Variants in RGS21 observed in about 807,000 individuals in gnomAD.
RGS21 encodes the protein regulator of G-protein signalling 21.
RGS21 carries 19 observed loss-of-function variants against 18.7 expected under a neutral mutation model. The ratio of observed to expected loss-of-function variants is 1.01; its 90% CI spans 0.71 to 1.49. The LOEUF (loss-of-function observed/expected upper bound fraction) is 1.49. Among genes scored for constraint, RGS21 ranks in the 40% most tolerant of loss-of-function variants. The probability of loss-of-function intolerance (pLI) is 0.00; values close to 1 mark genes in which losing one functional copy is unlikely to be tolerated. For missense variants in RGS21, 194 were observed against 176.8 expected, an observed-to-expected ratio of 1.10 and a Z score of -0.55; for synonymous variants, 56 against 57.8, an observed-to-expected ratio of 0.97 and a Z score of 0.14.
chr1:192,348,258 C>G (rs1658985881), intron 3 of RGS21, among the ~76,000 whole-genome samples: 1 of 151,890 alleles, frequency 6.6e-6, no homozygotes, highest in Admixed American at 6.6e-5. Context: ...ACTTCTGACC[C>G]CAGATGATCT....
intron 4 of RGS21, among the ~76,000 whole-genome samples, chr1:192,362,413 T>TA (rs1050342627): frequency 4.0e-5 from 6 of 151,394 alleles, no homozygotes; most frequent in Admixed American, 2.6e-4. Context: ...AATTAGAAAA[T>TA]AAAAAAAAGA....
rs1359992767 is a variant in RGS21 at position 192,367,190 on chromosome 1, G to T, written c.*1066G>T. ...AACATTAAAAAATGGAGGAAAAATAGCATGGCTTATTTTATGTTTTCACAA... is the reference window on the plus strand; with the variant it reads ...AACATTAAAAAATGGAGGAAAAATATCATGGCTTATTTTATGTTTTCACAA... On this transcript the variant is annotated 3_prime_UTR_variant, in exon 5 of 5. Transcript: ENST00000417209. 6.6e-6 allele frequency: 1 copy of T among 151,662 alleles called. No homozygotes were observed. Among genetic ancestry groups the T allele is most frequent in the African/African-American group, 2.4e-5 (1 of 41,366 alleles). 9.4% of individuals were successfully genotyped at this position (151,662 alleles called of 1,614,324 possible).
intron 1 of RGS21, among the ~76,000 whole-genome samples, chr1:192,327,621 T>G (rs1217291222): frequency 6.6e-6 from 1 of 152,022 alleles, no homozygotes; most frequent in Non-Finnish European, 1.5e-5. Context: ...TACAGGCATG[T>G]GCCACCACAC....
intron 2 of RGS21, 129 bp from the exon 3 acceptor site, chr1:192,347,183 AT>A: frequency 1.6e-6 from 1 of 615,776 alleles, no homozygotes; most frequent in Non-Finnish European, 3.0e-6. Flanking sequence ...GCATTGTATA[AT>A]TTTTTGACAT....
chr1:192,334,776 C>T (rs1038900883), intron 1 of RGS21, among the ~76,000 whole-genome samples: 1 of 152,074 alleles, frequency 6.6e-6, no homozygotes, highest in African/African-American at 2.4e-5. Context: ...CATGTGAAAT[C>T]ATTTGTTAAA....
rs560152101 is a variant in RGS21, at chr1:192,361,693, C to A, written c.256-4228C>A. Among the ~76,000 whole-genome samples the A allele has an allele frequency of 1.6e-3, 247 of 152,012 alleles. 1 individual carries two copies. Among genetic ancestry groups the A allele is most frequent in the African/African-American group, 5.7e-3 (236 of 41,470 alleles). On this transcript the variant is annotated intron_variant, in intron 4 of 4. Transcript: ENST00000417209. ...CCTGAGTAGCTGGGATTACAGATACCCACCACCACGCCTGGCTAATTTTTA... is the reference window on the plus strand; with the variant it reads ...CCTGAGTAGCTGGGATTACAGATACACACCACCACGCCTGGCTAATTTTTA...
intron 1 of RGS21, among the ~76,000 whole-genome samples, chr1:192,333,705 A>G (rs1274483170): frequency 6.6e-6 from 1 of 151,636 alleles, no homozygotes; most frequent in Non-Finnish European, 1.5e-5. Context: ...AAGGTACTAT[A>G]AGGGCATAAC....
At chr1:192,356,185 C>G (rs765099110) in intron 4 of RGS21, among the ~76,000 whole-genome samples, 31 of 151,790 alleles carry the variant, frequency 2.0e-4, no homozygotes, top group Non-Finnish European at 4.3e-4. Flanking sequence ...TGTTTGGCTT[C>G]TTACTTTTAT....
At position 192,352,272 on chromosome 1, in the gene RGS21, A is replaced by G. The variant is rs1659055321; in HGVS notation, c.255+59A>G. 2.4e-6 allele frequency: 3 copies of G among 1,225,264 alleles called. No individual in the cohort carries two copies. The South Asian group carries it at 5.0e-5, about 21-fold the overall frequency. The allele number at this position is 1,225,264 out of a possible 1,614,324, so 75.9% of individuals were successfully genotyped here. On this transcript the variant is annotated intron_variant, in intron 4 of 4. Coordinates refer to ENST00000417209, the MANE Select transcript of RGS21 (RefSeq NM_001039152.3). ...TCCTGTAGCAGATCTGCTCCCAATT[A>G]GAAGACCTTAAATCCATCTAAAAGA...
chr1:192,326,347 G>C (rs368796938), intron 1 of RGS21, among the ~76,000 whole-genome samples: 1 of 151,940 alleles, frequency 6.6e-6, no homozygotes, highest in Admixed American at 6.6e-5. Context: ...CTCTTAAAAC[G>C]GCTAAACAAA....
At chr1:192,344,773 A>AT (rs1186264413) in intron 2 of RGS21, among the ~76,000 whole-genome samples, 1 of 152,090 alleles carries the variant, frequency 6.6e-6, no homozygotes, top group Non-Finnish European at 1.5e-5. Context: ...TGGATAAGAA[A>AT]TAGGCTATAA....
At chr1:192,338,262 T>C (rs1197527378) in intron 1 of RGS21, among the ~76,000 whole-genome samples, 1 of 152,160 alleles carries the variant, frequency 6.6e-6, no homozygotes, top group Non-Finnish European at 1.5e-5. Flanking sequence ...GAACCTCATA[T>C]AGCAGTAACT....
intron 1 of RGS21, among the ~76,000 whole-genome samples, chr1:192,334,776 C>G (rs1038900883): frequency 4.6e-5 from 7 of 152,192 alleles, no homozygotes; most frequent in Non-Finnish European, 1.0e-4. Context: ...CATGTGAAAT[C>G]ATTTGTTAAA....
intron 1 of RGS21, among the ~76,000 whole-genome samples, chr1:192,334,517 G>T (rs1320871327): frequency 6.6e-6 from 1 of 152,018 alleles, no homozygotes; most frequent in Non-Finnish European, 1.5e-5. Context: ...AAGGTCACTG[G>T]ACATTGTTTC....
intron 1 of RGS21, among the ~76,000 whole-genome samples, chr1:192,319,816 G>T (rs1431794135): frequency 6.6e-6 from 1 of 152,050 alleles, no homozygotes; most frequent in Non-Finnish European, 1.5e-5. Flanking sequence ...TTTCCTCTAT[G>T]TGCCTGCCAT....
chr1:192,318,794 T>C (rs1431164116), intron 1 of RGS21, among the ~76,000 whole-genome samples: 1 of 152,156 alleles, frequency 6.6e-6, no homozygotes, highest in African/African-American at 2.4e-5. Context: ...CCAAGAACTA[T>C]TGCTGATCCA....
chr1:192,340,136 T>G (rs574142767), intron 1 of RGS21, among the ~76,000 whole-genome samples: 45 of 152,202 alleles, frequency 3.0e-4, no homozygotes, highest in African/African-American at 1.1e-3. Context: ...TGATTTCTTG[T>G]ACAAGTATTT....
intron 1 of RGS21, among the ~76,000 whole-genome samples, chr1:192,328,308 A>C (rs1658597997): frequency 6.6e-6 from 1 of 152,212 alleles, no homozygotes; most frequent in African/African-American, 2.4e-5. Context: ...ACAGGATAGG[A>C]GGTATAAGAA....
intron 4 of RGS21, among the ~76,000 whole-genome samples, chr1:192,354,436 AT>A: frequency 6.6e-6 from 1 of 151,838 alleles, no homozygotes. Flanking sequence ...GCTCCCTAGC[AT>A]TTTCCAGAAA....
Sources: gnomAD v4.1 joint callset for allele counts (sites outside exome capture counted in the v4.1 genomes callset) on GRCh38, gnomAD v4.1.1 for gene constraint, MANE v1.5 for transcripts, NCBI Gene and HGNC (gene_info 2026-07-23, HGNC 2026-07-21) for gene names.